GNA14: variants seen among roughly 807,000 people sequenced by gnomAD.
GNA14 encodes guanine nucleotide-binding protein subunit alpha-14.
GNA14 carries 50 observed loss-of-function variants against 42.0 expected under a neutral mutation model. That is an observed-to-expected ratio of 1.19 (90% confidence interval 0.95 to 1.51). The LOEUF (loss-of-function observed/expected upper bound fraction) is 1.51. Among genes scored for constraint, GNA14 ranks in the 40% most tolerant of loss-of-function variants. The pLI is 0.00. For missense variants in GNA14, 473 were observed against 446.2 expected (o/e 1.06, Z -0.54); for synonymous variants, 173 against 163.1 (o/e 1.06, Z -0.46).
chr9:77,544,277 G>A (rs552328328), intron 1 of GNA14, among the ~76,000 whole-genome samples: 6 of 152,122 alleles, frequency 3.9e-5, no homozygotes, highest in East Asian at 3.9e-4. Flanking sequence ...AAACCCTCTC[G>A]ACATCAATTA....
At chr9:77,453,254 C>A (rs1017488425) in intron 2 of GNA14, among the ~76,000 whole-genome samples, 4 of 152,238 alleles carry the variant, frequency 2.6e-5, no homozygotes, top group Non-Finnish European at 5.9e-5. Context: ...CACCAGACAG[C>A]ACATCTGCTA....
intron 2 of GNA14, among the ~76,000 whole-genome samples, chr9:77,469,798 T>G (rs569519076): frequency 1.3e-5 from 2 of 152,282 alleles, no homozygotes; most frequent in Non-Finnish European, 2.9e-5. Context: ...CACTCATCAG[T>G]TTTCAGCATT....
At chr9:77,586,204 C>A (rs2117873084) in intron 1 of GNA14, among the ~76,000 whole-genome samples, 1 of 152,270 alleles carries the variant, frequency 6.6e-6, no homozygotes, top group African/African-American at 2.4e-5. Flanking sequence ...ACCACAAACT[C>A]AGTGGCTTAA....
At chr9:77,645,952 G>A (rs1824344581) in intron 1 of GNA14, among the ~76,000 whole-genome samples, 2 of 152,082 alleles carry the variant, frequency 1.3e-5, no homozygotes, top group African/African-American at 4.8e-5. Flanking sequence ...ACAAAGCCCC[G>A]CACCCATAGT....
At chr9:77,630,946 C>A (rs1824087886) in intron 1 of GNA14, among the ~76,000 whole-genome samples, 1 of 152,188 alleles carries the variant, frequency 6.6e-6, no homozygotes, top group African/African-American at 2.4e-5. Flanking sequence ...ACATTAGAGT[C>A]TATTTTTTTC....
chr9:77,469,365 T>TAAAAAAAAAAAAAAAAAAA (rs10537760), intron 2 of GNA14, among the ~76,000 whole-genome samples: 3 of 116,934 alleles, frequency 2.6e-5, no homozygotes, highest in Non-Finnish European at 5.2e-5. Context: ...TAAACTGTGT[T>TAAAAAAAAAAAAAAAAAAA]AAAAAAAAAA....
At chr9:77,563,917 C>G (rs1822924260) in intron 1 of GNA14, among the ~76,000 whole-genome samples, 1 of 152,320 alleles carries the variant, frequency 6.6e-6, no homozygotes. Context: ...CTTTTACAAG[C>G]TCTCTTGACT....
At chr9:77,491,220 G>T (rs1836769561) in intron 2 of GNA14, among the ~76,000 whole-genome samples, 1 of 152,228 alleles carries the variant, frequency 6.6e-6, no homozygotes, top group Non-Finnish European at 1.5e-5. Flanking sequence ...AAGTTCTTCA[G>T]TCAGAAATTT....
intron 2 of GNA14, among the ~76,000 whole-genome samples, chr9:77,451,027 T>C (rs1383275732): frequency 6.6e-6 from 1 of 152,172 alleles, no homozygotes; most frequent in African/African-American, 2.4e-5. Context: ...CCTCTATAAA[T>C]TACCCAGTCT....
intron 1 of GNA14, among the ~76,000 whole-genome samples, chr9:77,546,934 G>A (rs1386854791): frequency 1.3e-5 from 2 of 152,126 alleles, no homozygotes; most frequent in African/African-American, 2.4e-5. Context: ...GGTAATTATC[G>A]ATAGCATCCT....
At chr9:77,508,612 T>C (rs1837108180) in intron 2 of GNA14, among the ~76,000 whole-genome samples, 1 of 152,188 alleles carries the variant, frequency 6.6e-6, no homozygotes, top group African/African-American at 2.4e-5. Flanking sequence ...CCCAGCTCTG[T>C]TCATTGATAG....
chr9:77,608,398 T>C (rs1341300575), intron 1 of GNA14, among the ~76,000 whole-genome samples: 1 of 152,232 alleles, frequency 6.6e-6, no homozygotes, highest in Non-Finnish European at 1.5e-5. Flanking sequence ...AGATGGTATT[T>C]AGATGAGACT....
intron 1 of GNA14, among the ~76,000 whole-genome samples, chr9:77,543,861 C>T (rs1294915393): frequency 1.3e-5 from 2 of 152,160 alleles, no homozygotes; most frequent in African/African-American, 4.8e-5. Context: ...GTACTAGCTG[C>T]ATCTAGTTGG....
chr9:77,592,862 T>G (rs1322540392), intron 1 of GNA14, among the ~76,000 whole-genome samples: 1 of 152,188 alleles, frequency 6.6e-6, no homozygotes, highest in Non-Finnish European at 1.5e-5. Flanking sequence ...CTGTGCCTGG[T>G]TTAGCACCAA....
At chr9:77,447,465 G>T (rs1235598155) in intron 2 of GNA14, among the ~76,000 whole-genome samples, 2 of 152,116 alleles carry the variant, frequency 1.3e-5, no homozygotes, top group African/African-American at 2.4e-5. Flanking sequence ...GTTAGCCCTG[G>T]AGAGAATTCT....
At chr9:77,442,489 C>T (rs1330255342) in intron 2 of GNA14, among the ~76,000 whole-genome samples, 19 of 152,236 alleles carry the variant, frequency 1.2e-4, no homozygotes, top group African/African-American at 1.2e-4. Context: ...ACTCCTGGGG[C>T]TTCTGTCGAC....
intron 1 of GNA14, among the ~76,000 whole-genome samples, chr9:77,629,889 C>G (rs1327293037): frequency 6.6e-6 from 1 of 152,168 alleles, no homozygotes; most frequent in African/African-American, 2.4e-5. Context: ...AAAAAGAATA[C>G]TCTCAAGACA....
At chr9:77,629,386 C>T (rs1002459206) in intron 1 of GNA14, among the ~76,000 whole-genome samples, 6 of 152,192 alleles carry the variant, frequency 3.9e-5, no homozygotes, top group African/African-American at 1.4e-4. Context: ...TGGGTATATA[C>T]CCAAAGGATT....
At position 77,638,530 on chromosome 9, in the gene GNA14, G is replaced by A. The variant is rs139814135; in HGVS notation, c.124+9140C>T. ...GAACAGAAAAGAATGTTCCAGGCAG[G>A]AAAAAAAGCAAGCTTAAAGACCCAG... On this transcript the variant is annotated intron_variant, in intron 1 of 6. Transcript: ENST00000341700. Among the ~76,000 whole-genome samples, 161 of 152,188 alleles carry A rather than the reference G, an allele frequency of 1.1e-3. 1 individual carries two copies. The highest frequency in any genetic ancestry group is 3.8e-3 in the African/African-American group (157 of 41,530).
Sources: gnomAD v4.1 joint callset for allele counts (sites outside exome capture counted in the v4.1 genomes callset) on GRCh38, gnomAD v4.1.1 for gene constraint, MANE v1.5 for transcripts, NCBI Gene and HGNC (gene_info 2026-07-23, HGNC 2026-07-21) for gene names.